Variants in USH2A observed in about 807,000 individuals in gnomAD.
USH2A encodes Usher syndrome 2A (autosomal recessive, mild).
USH2A carries 443 observed loss-of-function variants against 538.9 expected under a neutral mutation model. That is an observed-to-expected ratio of 0.82 (90% confidence interval 0.76 to 0.89). The LOEUF (loss-of-function observed/expected upper bound fraction) is 0.89. Among genes scored for constraint, USH2A ranks in the 40% least tolerant of loss-of-function variants. The probability of loss-of-function intolerance (pLI) is 0.00; values close to 1 mark genes in which losing one functional copy is unlikely to be tolerated. For synonymous variants in USH2A, 2,413 were observed against 2,273.5 expected, an observed-to-expected ratio of 1.06 and a Z score of -1.75; for missense variants, 6,633 against 6,324.8, an observed-to-expected ratio of 1.05 and a Z score of -1.65.
chr1:216,413,789 G>A (rs897273749), intron 3 of USH2A, among the ~76,000 whole-genome samples: 2 of 152,078 alleles, frequency 1.3e-5, no homozygotes, highest in African/African-American at 4.8e-5. Flanking sequence ...TGGTTCCACA[G>A]CTGTAGTATT....
At chr1:216,409,291 A>G (rs1382299121) in intron 3 of USH2A, among the ~76,000 whole-genome samples, 3 of 152,194 alleles carry the variant, frequency 2.0e-5, no homozygotes, top group Non-Finnish European at 2.9e-5. Flanking sequence ...CAATATCGTT[A>G]AAATGGCCAT....
chr1:216,275,609 G>A (rs373663802), intron 11 of USH2A, among the ~76,000 whole-genome samples: 56 of 152,158 alleles, frequency 3.7e-4, no homozygotes, highest in African/African-American at 1.3e-3. Flanking sequence ...CATCTGAGAT[G>A]ACAAGGAAAA....
intron 32 of USH2A, among the ~76,000 whole-genome samples, chr1:216,023,104 A>C (rs940477532): frequency 6.6e-6 from 1 of 152,134 alleles, no homozygotes; most frequent in Non-Finnish European, 1.5e-5. Context: ...AAATACAAAT[A>C]TTAGAACTAA....
intron 19 of USH2A, 41 bp from the exon 20 acceptor site, chr1:216,190,408 TA>T: frequency 6.3e-7 from 1 of 1,584,288 alleles, no homozygotes; most frequent in Non-Finnish European, 8.6e-7. Flanking sequence ...AGAAAGATAA[TA>T]GGTAATCAGT....
At chr1:216,301,908 G>A (rs375300399) in intron 9 of USH2A, among the ~76,000 whole-genome samples, 156 of 152,158 alleles carry the variant, frequency 1.0e-3, no homozygotes, top group African/African-American at 3.5e-3. Context: ...ATTGTCCTCC[G>A]GCTCTATTCA....
chr1:216,309,854 T>G (rs1434780678), intron 9 of USH2A, among the ~76,000 whole-genome samples: 1 of 152,198 alleles, frequency 6.6e-6, no homozygotes, highest in South Asian at 2.1e-4. Context: ...CTTTAGCTGA[T>G]TTTTGAATGC....
intron 20 of USH2A, among the ~76,000 whole-genome samples, chr1:216,183,889 C>T (rs555021152): frequency 1.7e-4 from 26 of 152,020 alleles, no homozygotes; most frequent in South Asian, 6.2e-4. Flanking sequence ...TGCTTTGAAC[C>T]GAAAGCTTTT....
intron 21 of USH2A, among the ~76,000 whole-genome samples, chr1:216,120,442 C>T (rs903294481): frequency 4.0e-5 from 6 of 151,696 alleles, no homozygotes; most frequent in Admixed American, 6.6e-5. Context: ...TGCAATGGCG[C>T]GATCTCAGCT....
In USH2A at chr1:215,786,684, G is replaced by A. The variant is rs149485593; in HGVS notation, c.10373C>T (p.Thr3458Met). The A allele has an allele frequency of 4.7e-5, 76 of 1,613,854 alleles. No individual in the cohort carries two copies. The highest frequency in any genetic ancestry group is 6.6e-5 in the South Asian group (6 of 91,088). The change falls in exon 52 of 72, where the codon ACG becomes ATG. Residue 3458 changes from threonine (T) to methionine (M), a missense_variant. Coordinates refer to ENST00000307340, the MANE Select transcript of USH2A (RefSeq NM_206933.4). ...EETIHTGSVN[T>M]YSYTDVNLKP... ...CTTTCTGTTACCTGTGTAAGAGTACGTGTTTACACTCCCTGTATGAATGGT... is the reference window on the plus strand; with the variant it reads ...CTTTCTGTTACCTGTGTAAGAGTACATGTTTACACTCCCTGTATGAATGGT...
At chr1:216,034,412 G>A (rs1293953434) in intron 32 of USH2A, among the ~76,000 whole-genome samples, 3 of 152,078 alleles carry the variant, frequency 2.0e-5, no homozygotes, top group Non-Finnish European at 2.9e-5. Flanking sequence ...AGTCAATGGA[G>A]GTGTAGTGGA....
At chr1:215,700,513 A>C (rs1042757622) in intron 61 of USH2A, among the ~76,000 whole-genome samples, 27 of 152,162 alleles carry the variant, frequency 1.8e-4, no homozygotes, top group Non-Finnish European at 4.0e-4. Context: ...CAGAGATTCA[A>C]CTTCTTCCTG....
intron 34 of USH2A, among the ~76,000 whole-genome samples, chr1:215,994,614 C>A (rs954627815): frequency 2.6e-5 from 4 of 152,074 alleles, no homozygotes; most frequent in Non-Finnish European, 5.9e-5. Context: ...ATGAAAATTG[C>A]ATTAAGATTG....
intron 30 of USH2A, among the ~76,000 whole-genome samples, chr1:216,056,597 T>A (rs2030983408): frequency 6.6e-6 from 1 of 152,200 alleles, no homozygotes; most frequent in African/African-American, 2.4e-5. Context: ...AATAGCACAC[T>A]TTTTACTATA....
chr1:215,782,747 GTA>G lies in USH2A; in HGVS notation c.10574_10575del (p.Ile3525ThrfsTer17). Reference protein sequence around the residue: ...DTIVLNWRKPIQSNGPIIYYI... With the variant: ...DTIVLNWRKPXQSNGPIIYYI... ...AAAGGTATCTCAATACCATTTGATT[GTA>G]TAGGTTTTCTCCAGTTTAAGACAAT... On this transcript the variant is annotated frameshift_variant, in exon 53 of 72. Transcript: ENST00000307340. LOFTEE classifies it high-confidence loss of function. 1 of 1,613,554 alleles carries G rather than the reference GTA, an allele frequency of 6.2e-7. No homozygotes were observed. The highest frequency in any genetic ancestry group is 8.5e-7 in the Non-Finnish European group (1 of 1,179,786).
intron 43 of USH2A, among the ~76,000 whole-genome samples, chr1:215,876,477 C>T (rs185902315): frequency 6.6e-6 from 1 of 152,284 alleles, no homozygotes; most frequent in African/African-American, 2.4e-5. Flanking sequence ...CTTGATTGAG[C>T]TAACCTATTT....
chr1:215,649,589 C>T (rs142338563), intron 65 of USH2A, among the ~76,000 whole-genome samples: 333 of 152,162 alleles, frequency 2.2e-3, no homozygotes, highest in African/African-American at 7.5e-3. Flanking sequence ...TTATTGAGTA[C>T]GAAGCCCTAT....
intron 61 of USH2A, among the ~76,000 whole-genome samples, chr1:215,713,669 T>G (rs1393701705): frequency 6.6e-6 from 1 of 152,232 alleles, no homozygotes; most frequent in Admixed American, 6.5e-5. Context: ...TTCTCTGAAC[T>G]TTTCCAGTCC....
At chr1:216,104,186 A>G (rs1210535069) in intron 21 of USH2A, among the ~76,000 whole-genome samples, 1 of 151,934 alleles carries the variant, frequency 6.6e-6, no homozygotes, top group Non-Finnish European at 1.5e-5. Flanking sequence ...CATTTACATT[A>G]GGTATATCTC....
At chr1:215,942,488 A>G (rs187337282) in intron 37 of USH2A, among the ~76,000 whole-genome samples, 4 of 152,302 alleles carry the variant, frequency 2.6e-5, no homozygotes, top group African/African-American at 9.6e-5. Context: ...AACTGTATAT[A>G]TGAATCACCT....
Sources: gnomAD v4.1 joint callset for allele counts (sites outside exome capture counted in the v4.1 genomes callset) on GRCh38, gnomAD v4.1.1 for gene constraint, MANE v1.5 for transcripts, NCBI Gene and HGNC (gene_info 2026-07-23, HGNC 2026-07-21) for gene names.